The following TMCO5A variants were observed in gnomAD, a reference collection of about 807,000 sequenced individuals.
The protein encoded by TMCO5A is transmembrane and coiled-coil domains 5A.
Under a neutral mutation model 42.3 loss-of-function variants are expected in TMCO5A, and 34 were observed. The observed-to-expected ratio is 0.80, with a 90% CI of 0.61 to 1.07. The LOEUF (loss-of-function observed/expected upper bound fraction) is 1.07, where lower values mean the gene tolerates loss of function less well. Among genes scored for constraint, TMCO5A ranks in the 50% least tolerant of loss-of-function variants. TMCO5A has a pLI of 0.00. For synonymous variants in TMCO5A, 131 were observed against 115.6 expected, an observed-to-expected ratio of 1.13 and a Z score of -0.86; for missense variants, 357 against 327.9, an observed-to-expected ratio of 1.09 and a Z score of -0.69.
chr15:37,974,676 C>T, the TMCO5A span, among the ~76,000 whole-genome samples: 1 of 151,652 alleles, frequency 6.6e-6, no homozygotes, highest in Non-Finnish European at 1.5e-5. Flanking sequence ...ATCTACTAAT[C>T]TTATTCTTTC....
At chr15:37,981,094 G>C in the TMCO5A span, among the ~76,000 whole-genome samples, 1 of 148,778 alleles carries the variant, frequency 6.7e-6, no homozygotes. Context: ...GTTGTTTAAA[G>C]TAAAGGTAAA....
At chr15:37,956,189 G>A (rs560463902), downstream of TMCO5A, among the ~76,000 whole-genome samples, 28 of 152,210 alleles carry the variant, frequency 1.8e-4, no homozygotes, top group Middle Eastern at 3.4e-3. Context: ...AAAAGAACTA[G>A]AGAAGCAAGA....
rs1890478994 is a variant in TMCO5A, at chr15:37,963,315, C to T, written c.669-3310C>T. The stretch of plus-strand genomic sequence containing the variant: ...TCTTCATTTCATTTTTGACCCAATG[C>T]TCATTCAGGAGCAGGTTATATTATG... On this transcript the variant is annotated intron_variant, in intron 11 of 11. Coordinates refer to the TMCO5A transcript ENST00000559502. 2.6e-5 allele frequency among the ~76,000 whole-genome samples: 4 copies of T among 152,032 alleles called. No homozygotes were observed. The South Asian group carries it at 8.3e-4, about 32-fold the overall frequency.
the TMCO5A span, among the ~76,000 whole-genome samples, chr15:38,038,493 C>G: frequency 6.6e-6 from 1 of 151,656 alleles, no homozygotes; most frequent in Non-Finnish European, 1.5e-5. Flanking sequence ...GCAACCTCTG[C>G]CTCCCGGGTT....
intron 6 of TMCO5A, 54 bp downstream of exon 6, chr15:37,938,283 G>A (rs1376432316): frequency 8.4e-6 from 12 of 1,428,798 alleles, no homozygotes; most frequent in Admixed American, 6.4e-5. Context: ...CAGGAAACAA[G>A]CTGTTAAGTT....
chr15:38,023,352 G>C, the TMCO5A span, among the ~76,000 whole-genome samples: 3 of 152,142 alleles, frequency 2.0e-5, no homozygotes, highest in Non-Finnish European at 4.4e-5. Context: ...AGCCCTGGGG[G>C]CTCTAACAGG....
intron 5 of TMCO5A, 107 bp downstream of exon 5, chr15:37,937,503 C>G: frequency 8.4e-7 from 1 of 1,187,064 alleles, no homozygotes; most frequent in Non-Finnish European, 1.2e-6. Context: ...GTCAGAGAGG[C>G]CTGTATGTGG....
chr15:37,979,118 A>G, the TMCO5A span, among the ~76,000 whole-genome samples: 6 of 152,006 alleles, frequency 3.9e-5, no homozygotes, highest in East Asian at 1.2e-3. Flanking sequence ...ATAATTTAAC[A>G]TAAGATTTGG....
chr15:38,038,406 C>CTT, the TMCO5A span, among the ~76,000 whole-genome samples: 15 of 139,054 alleles, frequency 1.1e-4, 1 homozygote, highest in African/African-American at 2.4e-4. Context: ...ATGAAAATTT[C>CTT]TTTTTTTTTT....
chr15:37,954,637 T>C (rs1234899931), downstream of TMCO5A, among the ~76,000 whole-genome samples: 1 of 152,092 alleles, frequency 6.6e-6, no homozygotes, highest in Non-Finnish European at 1.5e-5. Context: ...TAATAGTAAG[T>C]ACACAGAAAA....
intron 11 of TMCO5A, among the ~76,000 whole-genome samples, chr15:37,960,913 CTAGATTCTGAATA>C (rs1246508281): frequency 6.6e-6 from 1 of 151,632 alleles, no homozygotes; most frequent in African/African-American, 2.4e-5. Context: ...TGAGTTTGTT[CTAGATTCTGAATA>C]TAGATTCTGA....
intron 10 of TMCO5A, among the ~76,000 whole-genome samples, chr15:37,945,069 G>T (rs1889895023): frequency 6.6e-6 from 1 of 151,980 alleles, no homozygotes. Flanking sequence ...TTGTTCCCCT[G>T]CATGTGTCCA....
chr15:38,028,736 T>C, the TMCO5A span, among the ~76,000 whole-genome samples: 1 of 152,188 alleles, frequency 6.6e-6, no homozygotes, highest in African/African-American at 2.4e-5. Context: ...GCAGATAGTG[T>C]CTGAAAAGCA....
At chr15:38,039,948 C>T in the TMCO5A span, 1 of 152,218 alleles carries the variant, frequency 6.6e-6, no homozygotes, top group Admixed American at 6.5e-5. Context: ...AGGGAAAAAT[C>T]CACTTCCAAG....
the TMCO5A span, among the ~76,000 whole-genome samples, chr15:37,985,419 T>G: frequency 2.0e-5 from 3 of 152,220 alleles, no homozygotes; most frequent in Non-Finnish European, 2.9e-5. Context: ...TATAATTTTT[T>G]GCTGTCATCT....
chr15:38,005,773 G>A, the TMCO5A span, among the ~76,000 whole-genome samples: 1 of 152,248 alleles, frequency 6.6e-6, no homozygotes, highest in South Asian at 2.1e-4. Flanking sequence ...TGATTTATAA[G>A]AAGGCAAACC....
chr15:38,011,276 G>A, the TMCO5A span, among the ~76,000 whole-genome samples: 1 of 152,256 alleles, frequency 6.6e-6, no homozygotes, highest in African/African-American at 2.4e-5. Flanking sequence ...AGTAGACTGA[G>A]GGCCTCAAAT....
chr15:37,949,007 A>T (rs1268218982), intron 11 of TMCO5A, among the ~76,000 whole-genome samples: 1 of 152,012 alleles, frequency 6.6e-6, no homozygotes, highest in Non-Finnish European at 1.5e-5. Context: ...TTTGACCTTT[A>T]AGGGTGAATA....
rs560078206 is a variant in TMCO5A, at chr15:37,946,400, A to G, written c.628-1256A>G. 6.6e-5 allele frequency among the ~76,000 whole-genome samples: 10 copies of G among 152,264 alleles called. No individual in the cohort carries two copies. The South Asian group carries it at 1.9e-3, about 28-fold the overall frequency. Reference sequence around the variant, plus strand: ...ATCATTTTTTCTAATTCTGTGAAAAATGTCAATAGTAGTTTAATGTGAATA... The same window carrying G: ...ATCATTTTTTCTAATTCTGTGAAAAGTGTCAATAGTAGTTTAATGTGAATA... On this transcript the variant is annotated intron_variant, in intron 10 of 11. Coordinates refer to ENST00000319669, the MANE Select transcript of TMCO5A (RefSeq NM_152453.4).
Sources: gnomAD v4.1 joint callset for allele counts (sites outside exome capture counted in the v4.1 genomes callset) on GRCh38, gnomAD v4.1.1 for gene constraint, MANE v1.5 for transcripts, NCBI Gene and HGNC (gene_info 2026-07-23, HGNC 2026-07-21) for gene names.